The following ZNF331 variants were observed in gnomAD, a reference collection of about 807,000 sequenced individuals.
ZNF331 encodes the protein zinc finger protein 331.
A neutral mutation model predicts 7.0 loss-of-function variants in ZNF331; 2 were observed. The ratio of observed to expected loss-of-function variants is 0.29; its 90% CI spans 0.12 to 0.90. ZNF331 has a LOEUF of 0.90. Ranked by LOEUF, ZNF331 falls within the 40% of genes least tolerant of loss-of-function variation. The pLI, the probability that ZNF331 is intolerant of heterozygous loss-of-function variation, is 0.58. For missense variants in ZNF331, 432 were observed against 587.7 expected (o/e 0.74, Z 2.74); for synonymous variants, 196 against 205.4 (o/e 0.95, Z 0.39).
At position 53,556,054 on chromosome 19, in the gene ZNF331, C is replaced by T. The variant is rs566614427; in HGVS notation, c.-74+146C>T. The stretch of plus-strand genomic sequence containing the variant: ...GGTCTGGAGATCGAGACCATCCTGG[C>T]TAACACGGTGAAACCCCGTCTCTAC... On this transcript the variant is annotated intron_variant, in intron 3 of 5. Coordinates refer to ENST00000449416, the MANE Select transcript of ZNF331 (RefSeq NM_001079906.2). 6 of 151,794 alleles carry T rather than the reference C, an allele frequency of 4.0e-5. No homozygotes were observed. The East Asian group carries it at 7.8e-4, about 20-fold the overall frequency. 9.4% of individuals were successfully genotyped at this position (151,794 alleles called of 1,614,324 possible).
intron 3 of ZNF331, among the ~76,000 whole-genome samples, chr19:53,562,294 A>G (rs939553107): frequency 2.6e-5 from 4 of 152,230 alleles, no homozygotes; most frequent in African/African-American, 9.6e-5. Flanking sequence ...TTATAGATAC[A>G]AGTAACAAAG....
upstream of ZNF331, among the ~76,000 whole-genome samples, chr19:53,514,806 A>G (rs2086864413): frequency 6.6e-6 from 1 of 151,526 alleles, no homozygotes; most frequent in South Asian, 2.1e-4. Flanking sequence ...GCCCGCCACC[A>G]CGCCCGGCTA....
upstream of ZNF331, among the ~76,000 whole-genome samples, chr19:53,536,158 A>G (rs2147286486): frequency 6.6e-6 from 1 of 152,340 alleles, no homozygotes; most frequent in South Asian, 2.1e-4. Flanking sequence ...CTGTCTCCCT[A>G]GTTAAAAGGA....
At chr19:53,534,538 C>T (rs559020461), upstream of ZNF331, among the ~76,000 whole-genome samples, 76 of 152,238 alleles carry the variant, frequency 5.0e-4, no homozygotes, top group African/African-American at 1.5e-3. Context: ...CCGCCCACCT[C>T]GGCCTCCCAA....
intron 2 of ZNF331, among the ~76,000 whole-genome samples, chr19:53,544,752 G>A (rs984851481): frequency 6.7e-6 from 1 of 150,220 alleles, no homozygotes; most frequent in African/African-American, 2.4e-5. Flanking sequence ...TCTTTTTTTT[G>A]AGACGGAGTC....
chr19:53,564,383 G>A (rs1304591362), intron 3 of ZNF331, among the ~76,000 whole-genome samples: 1 of 151,922 alleles, frequency 6.6e-6, no homozygotes, highest in Non-Finnish European at 1.5e-5. Flanking sequence ...GGGTCCCAGC[G>A]ATTCTCCCGC....
the ZNF331 span, among the ~76,000 whole-genome samples, chr19:53,510,505 C>T: frequency 1.3e-5 from 2 of 148,466 alleles, no homozygotes; most frequent in African/African-American, 5.0e-5. Flanking sequence ...TGTAAAGAAT[C>T]GATTTTGTCA....
At chr19:53,513,063 C>T in the ZNF331 span, among the ~76,000 whole-genome samples, 1 of 151,696 alleles carries the variant, frequency 6.6e-6, no homozygotes, top group Admixed American at 6.6e-5. Context: ...CCCCACTGGC[C>T]TCTCCTCTTC....
At chr19:53,575,432 T>C (rs947794588) in intron 5 of ZNF331, among the ~76,000 whole-genome samples, 17 of 151,970 alleles carry the variant, frequency 1.1e-4, no homozygotes, top group South Asian at 6.2e-4. Context: ...TCACATTTTT[T>C]ATTAAATTTA....
At chr19:53,530,792 T>C (rs2464900) in intron 2 of ZNF331, among the ~76,000 whole-genome samples, 39,930 of 152,124 alleles carry the variant, frequency 0.26, 6,207 homozygotes, top group African/African-American at 0.43. Flanking sequence ...CGGGACCTGA[T>C]GTGTGAGTAG....
upstream of ZNF331, among the ~76,000 whole-genome samples, chr19:53,519,165 A>C (rs965622815): frequency 6.6e-6 from 1 of 152,084 alleles, no homozygotes; most frequent in Non-Finnish European, 1.5e-5. Context: ...GAAGGCCAAA[A>C]ACCTCACAGG....
chr19:53,522,241 C>T (rs1158367284), intron 1 of ZNF331, among the ~76,000 whole-genome samples: 1 of 147,368 alleles, frequency 6.8e-6, no homozygotes, highest in African/African-American at 2.5e-5. Context: ...CAAGTGTGCC[C>T]TATTTTCTTT....
the ZNF331 span, among the ~76,000 whole-genome samples, chr19:53,508,656 A>T: frequency 3.1e-3 from 471 of 152,262 alleles, 4 homozygotes; most frequent in Non-Finnish European, 2.2e-3. Flanking sequence ...TTTCCAAAAT[A>T]TGAGATTTCT....
Position 53,578,123 on chromosome 19 carries a change from C to G in ZNF331, c.*171C>G. 1.2e-6 allele frequency: 1 copy of G among 863,094 alleles called. No individual in the cohort carries two copies. The highest frequency in any genetic ancestry group is 1.7e-6 in the Non-Finnish European group (1 of 585,158). 53.5% of individuals were successfully genotyped at this position (863,094 alleles called of 1,614,324 possible). A position where few individuals can be genotyped will look rare whatever the true frequency, so the allele number is the denominator to read the frequency against. ...GTAGCGTGATGAAATCTCTCGCTGT[C>G]CGGCTCCAGCCGGCCGGGGATGTGA... On this transcript the variant is annotated 3_prime_UTR_variant, in exon 6 of 6. Coordinates refer to ENST00000449416, the MANE Select transcript of ZNF331 (RefSeq NM_001079906.2).
rs750911958 is a variant in ZNF331 at position 53,577,807 on chromosome 19, G to A, written c.1247G>A (p.Cys416Tyr). The change falls in exon 6 of 6, where the codon TGT (cysteine) becomes TAT (tyrosine). Residue 416 changes from cysteine to tyrosine, a missense_variant. This residue lies in a region of ZNF331 where 312 missense variants were observed against 448.6 expected (regional missense o/e 0.70). Coordinates refer to ENST00000449416, the MANE Select transcript of ZNF331 (RefSeq NM_001079906.2). The part of the protein sequence containing the change: ...TGVKPYGCTE[C>Y]GKSFSHGHQL... ...GTGAAACCCTATGGGTGTACAGAAT[G>A]TGGGAAGAGCTTTAGTCACGGCCAT... 6.2e-7 allele frequency: 1 copy of A among 1,614,124 alleles called. No homozygotes were observed. The highest frequency in any genetic ancestry group is 1.1e-5 in the South Asian group (1 of 91,080).
chr19:53,569,754 A>G (rs1378465859), intron 4 of ZNF331, among the ~76,000 whole-genome samples: 1 of 152,170 alleles, frequency 6.6e-6, no homozygotes, highest in Non-Finnish European at 1.5e-5. Context: ...TGCGTAGATA[A>G]GAGGGAATGC....
chr19:53,561,973 C>G lies in ZNF331; in HGVS notation c.-74+6065C>G, dbSNP rs141696972. On this transcript the variant is annotated intron_variant, in intron 3 of 5. Coordinates refer to ENST00000449416, the MANE Select transcript of ZNF331 (RefSeq NM_001079906.2). ...AACCAGCCTGGCCAACATGGTGAAA[C>G]GCCGTCTCTACAAAAAATACAAAAA... Among the ~76,000 whole-genome samples, 654 of 151,928 alleles carry G rather than the reference C, an allele frequency of 4.3e-3. 4 individuals carry two copies. The highest frequency in any genetic ancestry group is 0.014 in the African/African-American group (596 of 41,416).
At chr19:53,541,185 G>T (rs996123754) in intron 2 of ZNF331, among the ~76,000 whole-genome samples, 1 of 149,194 alleles carries the variant, frequency 6.7e-6, no homozygotes, top group Non-Finnish European at 1.5e-5. Flanking sequence ...TCAGCTCGCC[G>T]TAACCTCTGC....
chr19:53,533,850 A>G (rs1440472604), upstream of ZNF331, among the ~76,000 whole-genome samples: 13 of 152,216 alleles, frequency 8.5e-5, no homozygotes, highest in Admixed American at 8.5e-4. Flanking sequence ...CATGCAGTCA[A>G]AACTCCACAT....
Sources: gnomAD v4.1 joint callset for allele counts (sites outside exome capture counted in the v4.1 genomes callset) on GRCh38, gnomAD v4.1.1 for gene constraint, gnomAD v4.1.1 regional missense constraint, MANE v1.5 for transcripts, NCBI Gene and HGNC (gene_info 2026-07-23, HGNC 2026-07-21) for gene names.